MAP4K1: variants seen among roughly 807,000 people sequenced by gnomAD.
The protein encoded by MAP4K1 is MAPK/ERK kinase kinase kinase 1.
Under a neutral mutation model 122.8 loss-of-function variants are expected in MAP4K1, and 35 were observed. That is an observed-to-expected ratio of 0.29 (90% CI 0.22 to 0.38). The LOEUF (loss-of-function observed/expected upper bound fraction) is 0.38, where lower values mean the gene tolerates loss of function less well. Ranked by LOEUF, MAP4K1 falls within the 10% of genes least tolerant of loss-of-function variation. MAP4K1 has a pLI of 1.00. For missense variants in MAP4K1, 791 were observed against 1,072.6 expected (o/e 0.74, Z 3.67); for synonymous variants, 412 against 421.3 (o/e 0.98, Z 0.27).
intron 30 of MAP4K1, among the ~76,000 whole-genome samples, chr19:38,589,866 C>CA (rs369224994): frequency 6.6e-6 from 1 of 151,926 alleles, no homozygotes; most frequent in South Asian, 2.1e-4. Context: ...CCTGTCTGTA[C>CA]AAAAAATACG....
chr19:38,617,946 G>A lies in MAP4K1; in HGVS notation c.-51C>T, dbSNP rs773901145. On this transcript the variant is annotated 5_prime_UTR_variant, in exon 1 of 31. Coordinates refer to ENST00000396857, the MANE Select transcript of MAP4K1 (RefSeq NM_001042600.3). The surrounding 1 kb of genome is among the most constrained non-coding windows in gnomAD (Gnocchi z 4.1). ...GCCCAGGGGCCAGCAGGGCCTCAGG[G>A]CTCAACTTCTGGCACCTCCCTCCGT... is the stretch of plus-strand genomic sequence containing the variant. 9.9e-6 allele frequency: 15 copies of A among 1,515,254 alleles called. No homozygotes were observed. Among genetic ancestry groups the A allele is most frequent in the South Asian group, 6.7e-5 (6 of 89,012 alleles). 93.9% of individuals were successfully genotyped at this position (1,515,254 alleles called of 1,614,324 possible). A position where few individuals can be genotyped will look rare whatever the true frequency, so the allele number is the denominator to read the frequency against.
At chr19:38,603,798 A>C (rs974207807) in intron 19 of MAP4K1, among the ~76,000 whole-genome samples, 1 of 152,180 alleles carries the variant, frequency 6.6e-6, no homozygotes, top group Non-Finnish European at 1.5e-5. Context: ...AGCCTGGCCA[A>C]CATGGCAAAA....
At chr19:38,599,888 C>T in intron 22 of MAP4K1, 37 bp downstream of exon 22, 1 of 1,609,054 alleles carries the variant, frequency 6.2e-7, no homozygotes, top group Non-Finnish European at 8.5e-7. Flanking sequence ...GACCCCTTAA[C>T]TTCCGACCCC....
At chr19:38,598,686 T>C (rs933844996) in intron 22 of MAP4K1, among the ~76,000 whole-genome samples, 2 of 152,052 alleles carry the variant, frequency 1.3e-5, no homozygotes, top group Non-Finnish European at 2.9e-5. Flanking sequence ...ATGGAATAAG[T>C]TCTGATTGTC....
Position 38,597,080 on chromosome 19 carries a change from A to G in MAP4K1, c.1895T>C (p.Val632Ala). The change falls in exon 25 of 31, where the codon GTC (valine) becomes GCC (alanine). Residue 632 changes from valine (V) to alanine (A), a missense_variant. Val to Ala is a moderately conservative substitution (Grantham distance 64). This residue lies in a region of MAP4K1 where 267 missense variants were observed against 323.0 expected (regional missense o/e 0.83). Transcript: ENST00000396857. This position sits in a 1 kb window ranked among gnomAD's most constrained non-coding sequence, Gnocchi z 4.6. ...FLCGALETSV[V>A]LLQWYQPMNK... ...CATGGGCTGGTACCACTGAAGCAGG[A>G]CAACGGACGTCTCCAATGCACCGCA... 1 of 1,614,150 alleles carries G rather than the reference A, an allele frequency of 6.2e-7. No homozygotes were observed. Among genetic ancestry groups the G allele is most frequent in the Non-Finnish European group, 8.5e-7 (1 of 1,180,002 alleles).
chr19:38,606,068 A>G (rs781361043), intron 17 of MAP4K1, 105 bp downstream of exon 17: 181 of 908,134 alleles, frequency 2.0e-4, no homozygotes, highest in East Asian at 3.7e-4. Flanking sequence ...GGTCTCCCCA[A>G]TTCCCTGCCC....
In MAP4K1 at chr19:38,597,453, G is replaced by C. The variant is rs968460603; in HGVS notation, c.1778+33C>G. The C allele has an allele frequency of 3.1e-6, 5 of 1,612,912 alleles. No individual in the cohort carries two copies. Among genetic ancestry groups the C allele is most frequent in the Non-Finnish European group, 4.2e-6 (5 of 1,179,004 alleles). On this transcript the variant is annotated intron_variant, in intron 23 of 30. Transcript: ENST00000396857. This position sits in a 1 kb window ranked among gnomAD's most constrained non-coding sequence, Gnocchi z 4.6. ...CAGAGGGGCATGGGAGGAATTATAA[G>C]GCTGTGTGGTGCCATTCATTGGGAG...
At chr19:38,602,747 CAT>C (rs1351634884) in intron 19 of MAP4K1, among the ~76,000 whole-genome samples, 9 of 146,712 alleles carry the variant, frequency 6.1e-5, no homozygotes, top group East Asian at 4.0e-4. Flanking sequence ...CATATATACA[CAT>C]GTACATATAT....
chr19:38,601,137 C>CG (rs1284149200), intron 20 of MAP4K1, among the ~76,000 whole-genome samples: 2 of 151,708 alleles, frequency 1.3e-5, no homozygotes, highest in Non-Finnish European at 2.9e-5. Flanking sequence ...TTAGTAGAGA[C>CG]GGGGTTTCAC....
At chr19:38,610,904 G>A in intron 11 of MAP4K1, 147 bp downstream of exon 11, 1 of 702,056 alleles carries the variant, frequency 1.4e-6, no homozygotes, top group Non-Finnish European at 2.5e-6. Context: ...GTCTCTGGTG[G>A]TCGGGGGTGG....
chr19:38,613,179 G>C (rs1241265874), intron 8 of MAP4K1, among the ~76,000 whole-genome samples: 1 of 151,962 alleles, frequency 6.6e-6, no homozygotes, highest in Admixed American at 6.6e-5. Context: ...GTGGTGGCAG[G>C]CGTCTGTAAT....
At chr19:38,607,559 CAAAAAA>C (rs759008757) in intron 16 of MAP4K1, among the ~76,000 whole-genome samples, 1 of 55,056 alleles carries the variant, frequency 1.8e-5, no homozygotes, top group Non-Finnish European at 3.5e-5. Context: ...GACTCCATCT[CAAAAAA>C]AAAAAAAAAA....
chr19:38,602,522 G>GCATATACATATATACA (rs1251859087), intron 19 of MAP4K1, among the ~76,000 whole-genome samples: 60 of 126,962 alleles, frequency 4.7e-4, no homozygotes, highest in South Asian at 7.9e-4. Flanking sequence ...ACATATATAC[G>GCATATACATATATACA]CATATACATA....
At chr19:38,616,171 G>T in intron 4 of MAP4K1, 24 bp downstream of exon 4, 1 of 1,602,670 alleles carries the variant, frequency 6.2e-7, no homozygotes, top group Non-Finnish European at 8.5e-7. Flanking sequence ...AGGGGTGCTT[G>T]GGTCCCGTTG....
At chr19:38,602,878 A>G (rs1975150640) in intron 19 of MAP4K1, among the ~76,000 whole-genome samples, 1 of 149,300 alleles carries the variant, frequency 6.7e-6, no homozygotes, top group South Asian at 2.1e-4. Flanking sequence ...ATGTACATAT[A>G]TACTTATATA....
At chr19:38,603,566 C>A (rs1290310511) in intron 19 of MAP4K1, among the ~76,000 whole-genome samples, 1 of 152,044 alleles carries the variant, frequency 6.6e-6, no homozygotes, top group East Asian at 1.9e-4. Flanking sequence ...GGTAGCCAAC[C>A]AGGCACGGCT....
At position 38,595,734 on chromosome 19, in the gene MAP4K1, A is replaced by G; in HGVS notation, c.2180-5T>C. ...GGGTCACCAGCTTCACAGAGCCTGG[A>G]AGGAGATAGACGGTTTTAAGAACTG... On this transcript the variant is annotated splice_polypyrimidine_tract_variant and splice_region_variant and intron_variant, in intron 27 of 30. Coordinates refer to ENST00000396857, the MANE Select transcript of MAP4K1 (RefSeq NM_001042600.3). The G allele has an allele frequency of 6.3e-7, 1 of 1,592,770 alleles. No homozygotes were observed. The highest frequency in any genetic ancestry group is 8.5e-7 in the Non-Finnish European group (1 of 1,169,978).
rs531621704 is a variant in MAP4K1, at chr19:38,593,143, T to C, written c.2396+139A>G. On this transcript the variant is annotated intron_variant, in intron 30 of 30. Transcript: ENST00000396857. ...TGGCTGCAGTGCAGAGAACAGACTC[T>C]AGGGAGCAGGGATGGAAGCAGGGTG... 36 of 698,228 alleles carry C rather than the reference T, an allele frequency of 5.2e-5. No individual in the cohort carries two copies. The Admixed American group carries it at 7.2e-4, about 14-fold the overall frequency. 43.3% of individuals were successfully genotyped at this position (698,228 alleles called of 1,614,324 possible). A position where few individuals can be genotyped will look rare whatever the true frequency, so the allele number is the denominator to read the frequency against.
Position 38,610,100 on chromosome 19 carries a change from G to A in MAP4K1, c.811-75C>T, listed in dbSNP as rs188319105. The A allele has an allele frequency of 1.4e-3, 1,422 of 1,035,658 alleles. 5 individuals are homozygous for A. The highest frequency in any genetic ancestry group is 8.3e-3 in the African/African-American group (526 of 63,678). The allele number at this position is 1,035,658 out of a possible 1,614,324, so 64.2% of individuals were successfully genotyped here. A position where few individuals can be genotyped will look rare whatever the true frequency, so the allele number is the denominator to read the frequency against. On this transcript the variant is annotated intron_variant, in intron 11 of 30. Transcript: ENST00000396857. ...AGGGCTGGTGTGGACAGAGAGGACTGGTACAGGGCCTTGGGGACTGGACTA... is the reference window on the plus strand; with the variant it reads ...AGGGCTGGTGTGGACAGAGAGGACTAGTACAGGGCCTTGGGGACTGGACTA...
Sources: allele counts gnomAD v4.1 joint callset (sites outside exome capture counted in the v4.1 genomes callset), GRCh38; gene constraint gnomAD v4.1.1; regional missense constraint gnomAD v4.1.1; non-coding constraint Gnocchi (gnomAD v3.1); transcripts MANE v1.5; gene names NCBI Gene and HGNC (gene_info 2026-07-23, HGNC 2026-07-21).